Variants in DLG2 observed in about 807,000 individuals in gnomAD.
DLG2 encodes discs large MAGUK scaffold protein 2.
Under a neutral mutation model 132.5 loss-of-function variants are expected in DLG2, and 45 were observed. The observed-to-expected ratio is 0.34, with a 90% CI of 0.27 to 0.44. The LOEUF (loss-of-function observed/expected upper bound fraction) is 0.44. Ranked by LOEUF, DLG2 falls within the 20% of genes least tolerant of loss-of-function variation. The pLI is 1.00. For synonymous variants in DLG2, 424 were observed against 419.6 expected (o/e 1.01, Z -0.13); for missense variants, 1,045 against 1,196.9 (o/e 0.87, Z 1.87).
chr11:85,332,426 T>C (rs1386690493), intron 3 of DLG2, among the ~76,000 whole-genome samples: 1 of 151,734 alleles, frequency 6.6e-6, no homozygotes, highest in African/African-American at 2.4e-5. Flanking sequence ...GTCTACTCTC[T>C]ATGGGTCCTT....
chr11:83,477,742 G>GC (rs1555075324), intron 22 of DLG2, among the ~76,000 whole-genome samples: 1 of 150,886 alleles, frequency 6.6e-6, no homozygotes, highest in East Asian at 1.9e-4. Flanking sequence ...GAAAAGAGGG[G>GC]TTTTTTTTTG....
chr11:84,961,217 G>GTCTTTGAACTGAATGTATAAT (rs2052521631), intron 6 of DLG2, among the ~76,000 whole-genome samples: 1 of 151,636 alleles, frequency 6.6e-6, no homozygotes, highest in African/African-American at 2.4e-5. Context: ...TTCAGCATGG[G>GTCTTTGAACTGAATGTATAAT]TCTTTGAACT....
At chr11:83,956,410 G>A (rs1301894323) in intron 14 of DLG2, among the ~76,000 whole-genome samples, 1 of 152,152 alleles carries the variant, frequency 6.6e-6, no homozygotes, top group East Asian at 1.9e-4. Flanking sequence ...CCCTCTCTGG[G>A]GCTATGGGAT....
At chr11:84,583,986 T>C (rs2099522877) in intron 6 of DLG2, among the ~76,000 whole-genome samples, 1 of 152,186 alleles carries the variant, frequency 6.6e-6, no homozygotes, top group Admixed American at 6.5e-5. Context: ...GCTCACATCA[T>C]GTTTTACTTT....
intron 3 of DLG2, among the ~76,000 whole-genome samples, chr11:85,308,954 C>T (rs1056673977): frequency 1.3e-5 from 2 of 152,084 alleles, no homozygotes; most frequent in Non-Finnish European, 2.9e-5. Flanking sequence ...GACACCCATT[C>T]GCCTCACTTC....
intron 6 of DLG2, among the ~76,000 whole-genome samples, chr11:84,626,978 T>A (rs1179949248): frequency 6.6e-6 from 1 of 151,952 alleles, no homozygotes; most frequent in African/African-American, 2.4e-5. Flanking sequence ...TTCAAGTGAT[T>A]CTCCTGCCCC....
chr11:84,509,937 TAAGAA>T (rs1565146526), intron 7 of DLG2, among the ~76,000 whole-genome samples: 1 of 151,706 alleles, frequency 6.6e-6, no homozygotes, highest in Non-Finnish European at 1.5e-5. Context: ...ATTTAAAAAT[TAAGAA>T]AATAAATTAA....
chr11:85,087,937 G>C (rs991667623), intron 6 of DLG2, among the ~76,000 whole-genome samples: 2 of 145,780 alleles, frequency 1.4e-5, no homozygotes, highest in African/African-American at 5.1e-5. Flanking sequence ...ACAATAAAAA[G>C]ACATTAAAAT....
At chr11:84,363,502 C>A (rs1379336868) in intron 7 of DLG2, among the ~76,000 whole-genome samples, 1 of 152,000 alleles carries the variant, frequency 6.6e-6, no homozygotes, top group Non-Finnish European at 1.5e-5. Context: ...TGTGCAGAAG[C>A]TCTTTAGTTT....
At position 84,818,718 on chromosome 11, in the gene DLG2, A is replaced by G. The variant is rs557902568; in HGVS notation, c.358-283987T>C. Among the ~76,000 whole-genome samples, 3 of 152,004 alleles carry G rather than the reference A, an allele frequency of 2.0e-5. No individual in the cohort carries two copies. The East Asian group carries it at 5.8e-4, about 30-fold the overall frequency. ...TTAGGTCTATCTCTAGAGAAACTTC[A>G]CTGTGTATTTTAATCCTATAAGGTA... On this transcript the variant is annotated intron_variant, in intron 6 of 27. Transcript: ENST00000376104.
chr11:85,091,138 G>A (rs1337036692), intron 6 of DLG2, among the ~76,000 whole-genome samples: 2 of 152,094 alleles, frequency 1.3e-5, no homozygotes, highest in African/African-American at 4.8e-5. Context: ...CCAACACTGG[G>A]GATCAAATTT....
intron 3 of DLG2, among the ~76,000 whole-genome samples, chr11:85,331,703 C>T (rs750383809): frequency 1.3e-5 from 2 of 152,098 alleles, no homozygotes; most frequent in African/African-American, 2.4e-5. Flanking sequence ...TCTGCATATA[C>T]GTGAAAACAT....
At chr11:84,753,549 G>A (rs1222636479) in intron 6 of DLG2, among the ~76,000 whole-genome samples, 1 of 152,158 alleles carries the variant, frequency 6.6e-6, no homozygotes, top group Non-Finnish European at 1.5e-5. Flanking sequence ...CTAAAGCTGA[G>A]GGAAATGAAG....
chr11:84,059,788 G>A (rs1566276105), intron 10 of DLG2, among the ~76,000 whole-genome samples: 1 of 152,002 alleles, frequency 6.6e-6, no homozygotes, highest in African/African-American at 2.4e-5. Context: ...GTATTTTAAG[G>A]CCTCTGTAAG....
chr11:84,080,072 A>G (rs1055255450), intron 10 of DLG2, among the ~76,000 whole-genome samples: 9 of 152,170 alleles, frequency 5.9e-5, no homozygotes, highest in African/African-American at 2.2e-4. Context: ...TAGGTTGATT[A>G]CCGTGTTGGG....
At chr11:84,406,469 C>T (rs182367261) in intron 7 of DLG2, among the ~76,000 whole-genome samples, 3 of 152,138 alleles carry the variant, frequency 2.0e-5, no homozygotes, top group African/African-American at 7.2e-5. Flanking sequence ...CAGGTGTACA[C>T]CACCATACGA....
rs1046321173 is a variant in DLG2 at position 84,225,454 on chromosome 11, T to A, written c.573+25784A>T. On this transcript the variant is annotated intron_variant, in intron 8 of 27. Coordinates refer to ENST00000376104, the MANE Select transcript of DLG2 (RefSeq NM_001142699.3). Reference sequence around the variant, plus strand: ...ACAGTTGTTCCCAAAACCAGGAAGATCTCGTGTCACGATTTTTAATTGTCC... The same window carrying A: ...ACAGTTGTTCCCAAAACCAGGAAGAACTCGTGTCACGATTTTTAATTGTCC... 5.9e-5 allele frequency among the ~76,000 whole-genome samples: 9 copies of A among 152,310 alleles called. No individual in the cohort carries two copies. The East Asian group carries it at 1.7e-3, about 29-fold the overall frequency.
chr11:83,771,260 C>T (rs1008516002), intron 18 of DLG2, among the ~76,000 whole-genome samples: 14 of 152,160 alleles, frequency 9.2e-5, no homozygotes, highest in African/African-American at 2.9e-4. Context: ...AAGTATACAA[C>T]AGTGGGGAAT....
At chr11:83,803,759 A>T (rs938347120) in intron 17 of DLG2, among the ~76,000 whole-genome samples, 5 of 152,096 alleles carry the variant, frequency 3.3e-5, no homozygotes, top group African/African-American at 1.2e-4. Flanking sequence ...TAAGCTTTGG[A>T]ATCAATTTTA....
Sources: allele counts gnomAD v4.1 joint callset (sites outside exome capture counted in the v4.1 genomes callset), GRCh38; gene constraint gnomAD v4.1.1; transcripts MANE v1.5; gene names NCBI Gene and HGNC (gene_info 2026-07-23, HGNC 2026-07-21).